The following ACADVL variants were observed in gnomAD, a reference collection of about 807,000 sequenced individuals.
ACADVL encodes acyl-CoA dehydrogenase very long chain, also known as very long-chain acyl-CoA dehydrogenase, mitochondrial.
In ACADVL, 73 loss-of-function variants were observed where a neutral mutation model predicts 80.4. That is an observed-to-expected ratio of 0.91 (90% CI 0.75 to 1.10). ACADVL has a LOEUF of 1.10. ACADVL is among the 50% of genes least tolerant of loss of function. The probability of loss-of-function intolerance (pLI) is 0.00; values close to 1 mark genes in which losing one functional copy is unlikely to be tolerated. For missense variants in ACADVL, 878 were observed against 858.9 expected (o/e 1.02, Z -0.28); for synonymous variants, 392 against 326.5 (o/e 1.20, Z -2.16).
upstream of ACADVL, chr17:7,217,154 G>C: frequency 7.8e-7 from 1 of 1,289,926 alleles, no homozygotes; most frequent in Non-Finnish European, 9.9e-7. Flanking sequence ...CCATGTTGGG[G>C]GGCCTGGCCG....
intron 9 of ACADVL, 56 bp from the exon 10 acceptor site, chr17:7,222,611 C>A: frequency 6.6e-7 from 1 of 1,521,750 alleles, no homozygotes; most frequent in South Asian, 1.2e-5. Flanking sequence ...AGCAGTTTTT[C>A]CCCCAGTGAC....
chr17:7,221,422 CTGCCCTAGGTCAGGA>C, intron 6 of ACADVL, 101 bp from the exon 7 acceptor site: 1 of 280,610 alleles, frequency 3.6e-6, no homozygotes, highest in Non-Finnish European at 4.6e-6. Flanking sequence ...AGGTCAGGCA[CTGCCCTAGGTCAGGA>C]ACTGCCCTAG....
upstream of ACADVL, chr17:7,218,627 G>A (rs2071044430): frequency 1.3e-6 from 2 of 1,562,536 alleles, no homozygotes; most frequent in East Asian, 2.4e-5. Flanking sequence ...GAGCCAGAGG[G>A]CTGACCTGGG....
At chr17:7,219,180 A>C (rs1254510833), upstream of ACADVL, 1 of 373,010 alleles carries the variant, frequency 2.7e-6, no homozygotes, top group Admixed American at 4.4e-5. Flanking sequence ...TTGCAGAAAA[A>C]GGGGTAGAAA....
upstream of ACADVL, chr17:7,219,858 C>T (rs796568889): frequency 3.2e-6 from 5 of 1,539,088 alleles, no homozygotes; most frequent in African/African-American, 5.5e-5. Flanking sequence ...TGCCCCGGGG[C>T]CCGCAACCGT....
chr17:7,219,850 C>T, upstream of ACADVL: 1 of 1,538,562 alleles, frequency 6.5e-7, no homozygotes, highest in Non-Finnish European at 8.7e-7. Flanking sequence ...TCCCAGCATG[C>T]CCCGGGGCCC....
upstream of ACADVL, chr17:7,217,721 C>G (rs1374847606): frequency 2.7e-5 from 42 of 1,534,718 alleles, no homozygotes; most frequent in Non-Finnish European, 3.7e-5. Flanking sequence ...GGCAGGAACC[C>G]GGATAATGGG....
chr17:7,222,875 C>G lies in ACADVL; in HGVS notation c.1077+10C>G. ...CATCATTGCTAAGGCGGTGAGTACC[C>G]TGCCCGAGTCCCTAGGTAACCCAAA... On this transcript the variant is annotated intron_variant, in intron 10 of 19. Transcript: ENST00000356839. The G allele has an allele frequency of 1.2e-6, 2 of 1,609,996 alleles. No individual in the cohort carries two copies. Among genetic ancestry groups the G allele is most frequent in the Non-Finnish European group, 1.7e-6 (2 of 1,179,946 alleles).
chr17:7,220,133 C>T lies in ACADVL; in HGVS notation c.74C>T (p.Thr25Met). The change falls in exon 2 of 20, where the codon ACG becomes ATG. Residue 25 changes from threonine to methionine, a missense_variant. Transcript: ENST00000356839. Reference protein sequence around the residue: ...LRLGGGSSRLTALLGQPRPGP... With the variant: ...LRLGGGSSRLMALLGQPRPGP... ...CCCACTCCCCACAGCTCGCGGCTCACGGCGCTCCTGGGGCAGCCCCGGCCC... is the reference window on the plus strand; with the variant it reads ...CCCACTCCCCACAGCTCGCGGCTCATGGCGCTCCTGGGGCAGCCCCGGCCC... 1.9e-6 allele frequency: 3 copies of T among 1,562,786 alleles called. No homozygotes were observed. The highest frequency in any genetic ancestry group is 2.6e-6 in the Non-Finnish European group (3 of 1,162,056).
At chr17:7,223,324 C>A in intron 11 of ACADVL, 87 bp downstream of exon 11, 3 of 1,235,198 alleles carry the variant, frequency 2.4e-6, no homozygotes, top group Non-Finnish European at 3.6e-6. Context: ...GCACCTGGGG[C>A]AGTGGGTCTC....
At chr17:7,218,789 T>C (rs747141713), upstream of ACADVL, 22 of 1,612,664 alleles carry the variant, frequency 1.4e-5, no homozygotes, top group African/African-American at 2.7e-5. Flanking sequence ...GCCCCCCACT[T>C]CGCTCCCAGA....
upstream of ACADVL, chr17:7,218,432 C>CT: frequency 2.9e-6 from 4 of 1,382,114 alleles, no homozygotes; most frequent in Non-Finnish European, 4.0e-6. Flanking sequence ...AGGCAGGACC[C>CT]TGCATGGTGC....
upstream of ACADVL, chr17:7,219,907 G>A: frequency 6.4e-7 from 1 of 1,559,564 alleles, no homozygotes; most frequent in Non-Finnish European, 8.6e-7. Context: ...GTCAGGGTTA[G>A]GGGCGCCAGG....
chr17:7,224,370 G>A lies in ACADVL; in HGVS notation c.1582G>A (p.Glu528Lys). ...GAGTCTCAGCGGACTTGTCCACCCG[G>A]AGTTGAGTCGGAGTGGCGAGCTGGT... ...GLSLSGLVHPELSRSGELAVR... is the reference protein window; with the variant it reads ...GLSLSGLVHPKLSRSGELAVR... Residue 528 changes from glutamate to lysine, a missense_variant, in exon 16 of 20, where the codon GAG (glutamate) becomes AAG (lysine). Physicochemically the swap from Glu to Lys is moderately conservative, Grantham distance 56. Coordinates refer to ENST00000356839, the MANE Select transcript of ACADVL (RefSeq NM_000018.4). 2 of 1,613,884 alleles carry A rather than the reference G, an allele frequency of 1.2e-6. No individual in the cohort carries two copies. The highest frequency in any genetic ancestry group is 1.1e-5 in the South Asian group (1 of 91,064).
At chr17:7,217,577 G>C (rs989326384), upstream of ACADVL, 1 of 1,365,162 alleles carries the variant, frequency 7.3e-7, no homozygotes, top group South Asian at 1.5e-5. Context: ...GGTTGGAAAC[G>C]GCAGCGGCCG....
chr17:7,223,003 G>T (rs1018199354), intron 10 of ACADVL, 130 bp from the exon 11 acceptor site: 4 of 1,440,796 alleles, frequency 2.8e-6, no homozygotes, highest in Non-Finnish European at 3.9e-6. Context: ...GCTAGCTTAG[G>T]TCTCCATCCA....
upstream of ACADVL, chr17:7,219,766 TG>T: frequency 6.8e-7 from 1 of 1,479,386 alleles, no homozygotes. Context: ...TTAAGGAGTT[TG>T]GGGGAGACGA....
At chr17:7,223,049 C>T (rs1206756903) in intron 10 of ACADVL, 84 bp from the exon 11 acceptor site, 5 of 1,490,868 alleles carry the variant, frequency 3.4e-6, no homozygotes, top group South Asian at 1.1e-5. Context: ...CAAAACCCAT[C>T]CCTCTGGCGC....
upstream of ACADVL, chr17:7,219,317 G>C: frequency 1.2e-6 from 1 of 861,572 alleles, no homozygotes; most frequent in African/African-American, 1.8e-5. Context: ...TCTCTGGAAG[G>C]AACAGAGGGC....
Sources: gnomAD v4.1 joint callset for allele counts on GRCh38, gnomAD v4.1.1 for gene constraint, MANE v1.5 for transcripts, NCBI Gene and HGNC (gene_info 2026-07-23, HGNC 2026-07-21) for gene names.